The following DOC2B variants were observed in gnomAD, a reference collection of about 807,000 sequenced individuals.
The protein encoded by DOC2B is double C2 domain beta, also known as double C2-like domain-containing protein beta.
A neutral mutation model predicts 28.9 loss-of-function variants in DOC2B; 21 were observed. That is an observed-to-expected ratio of 0.73 (90% CI 0.52 to 1.05). The LOEUF is 1.05. Among genes scored for constraint, DOC2B ranks in the 50% least tolerant of loss-of-function variants. The pLI, the probability that DOC2B is intolerant of heterozygous loss-of-function variation, is 0.00. For synonymous variants in DOC2B, 194 were observed against 178.1 expected (o/e 1.09, Z -0.71); for missense variants, 384 against 421.1 (o/e 0.91, Z 0.77).
chr17:147,104 C>A lies in DOC2B; in HGVS notation c.*337G>T. 4.3e-6 allele frequency: 1 copy of A among 234,960 alleles called. No homozygotes were observed. Among genetic ancestry groups the A allele is most frequent in the African/African-American group, 2.2e-5 (1 of 44,632 alleles). The allele number at this position is 234,960 out of a possible 1,614,324, so 14.6% of individuals were successfully genotyped here. A position where few individuals can be genotyped will look rare whatever the true frequency, so the allele number is the denominator to read the frequency against. On this transcript the variant is annotated 3_prime_UTR_variant, in exon 9 of 9. Transcript: ENST00000613549. ...CACTGTCCGCCAAGGCGCCCCCACA[C>A]TCCTGTCCTCTCAGCCGGGGCTGGC...
intron 1 of DOC2B, among the ~76,000 whole-genome samples, chr17:177,235 C>T (rs1281810786): frequency 1.3e-5 from 2 of 152,170 alleles, no homozygotes; most frequent in African/African-American, 2.4e-5. Flanking sequence ...AGCTTAGAGA[C>T]GAGTGTTAAG....
At chr17:163,427 A>C (rs540847438) in intron 3 of DOC2B, 1 of 152,222 alleles carries the variant, frequency 6.6e-6, no homozygotes, top group Non-Finnish European at 1.5e-5. Flanking sequence ...CTACCCATTT[A>C]GGCCTCCACG....
chr17:176,423 G>A (rs1029085025), intron 1 of DOC2B, among the ~76,000 whole-genome samples: 1 of 151,980 alleles, frequency 6.6e-6, no homozygotes, highest in Non-Finnish European at 1.5e-5. Context: ...GTCTCACTAC[G>A]TTGCTCAGGC....
intron 1 of DOC2B, among the ~76,000 whole-genome samples, chr17:177,849 G>A (rs184210240): frequency 3.9e-5 from 6 of 152,392 alleles, no homozygotes; most frequent in South Asian, 4.1e-4. Context: ...CCCCTAACAC[G>A]GAGAACCTTT....
intron 6 of DOC2B, among the ~76,000 whole-genome samples, chr17:154,594 T>C (rs548060828): frequency 3.3e-5 from 5 of 152,236 alleles, no homozygotes; most frequent in Admixed American, 2.0e-4. Context: ...AGTTTTAGGA[T>C]GGACATGTTT....
chr17:162,189 G>C lies in DOC2B; in HGVS notation c.530C>G (p.Ala177Gly). 2.6e-6 allele frequency: 4 copies of C among 1,549,566 alleles called. No individual in the cohort carries two copies. The Admixed American group carries it at 5.9e-5, about 23-fold the overall frequency. The change falls in exon 4 of 9, where the codon GCA becomes GGA. Residue 177 changes from alanine (A) to glycine (G), a missense_variant and splice_region_variant. Transcript: ENST00000613549. ...KLHLLPGASK[A>G]NKLRTKTLRN... ...GAGAGTTTTTGTTCTGAGCTTATTT[G>C]CCTGGAGAAGAGAAAAATGATCTTA...
chr17:174,259 C>A (rs1017976397), intron 1 of DOC2B, among the ~76,000 whole-genome samples: 7 of 152,328 alleles, frequency 4.6e-5, no homozygotes, highest in African/African-American at 1.4e-4. Flanking sequence ...CAAATCCCAG[C>A]GTGCACTTCC....
At chr17:179,669 G>C (rs1432928235) in intron 1 of DOC2B, among the ~76,000 whole-genome samples, 1 of 82,350 alleles carries the variant, frequency 1.2e-5, no homozygotes, top group Non-Finnish European at 2.6e-5. Flanking sequence ...AGGGGCAGAG[G>C]GGAGGGGGGG....
intron 5 of DOC2B, among the ~76,000 whole-genome samples, chr17:161,097 T>A (rs1224647557): frequency 1.3e-5 from 2 of 152,118 alleles, no homozygotes; most frequent in African/African-American, 2.4e-5. Context: ...AGGCCAGGGT[T>A]GTGCCCATCT....
rs1313461719 is a variant in DOC2B at position 147,015 on chromosome 17, C to T, written c.*426G>A. On this transcript the variant is annotated 3_prime_UTR_variant, in exon 9 of 9. Coordinates refer to ENST00000613549, the MANE Select transcript of DOC2B (RefSeq NM_003585.5). ...GCAGTTAGGCTTTCTTGGGCTGGAG[C>T]AGCCAGTCTTCAAGGTCCCATCCTC... The T allele has an allele frequency of 1.2e-5, 2 of 165,462 alleles. No homozygotes were observed. The highest frequency in any genetic ancestry group is 4.0e-4 in the South Asian group (2 of 4,942). The allele number at this position is 165,462 out of a possible 1,614,324, so 10.2% of individuals were successfully genotyped here.
intron 2 of DOC2B, 61 bp downstream of exon 2, chr17:172,476 G>T: frequency 7.0e-7 from 1 of 1,432,458 alleles, no homozygotes; most frequent in South Asian, 1.3e-5. Flanking sequence ...TGGCCTCCCT[G>T]ACCTAGGCCC....
At chr17:180,605 G>A (rs1278997907) in intron 1 of DOC2B, among the ~76,000 whole-genome samples, 1 of 152,066 alleles carries the variant, frequency 6.6e-6, no homozygotes, top group African/African-American at 2.4e-5. Flanking sequence ...CCGGGACCAC[G>A]CGGGAGGCCG....
intron 3 of DOC2B, among the ~76,000 whole-genome samples, chr17:162,776 C>T (rs994352368): frequency 2.6e-5 from 4 of 152,224 alleles, no homozygotes; most frequent in Admixed American, 6.5e-5. Context: ...GGGGTAGGTT[C>T]TGCAGGAGGC....
chr17:163,821 C>A, intron 3 of DOC2B: 1 of 356,336 alleles, frequency 2.8e-6, no homozygotes, highest in Non-Finnish European at 5.2e-6. Flanking sequence ...TAGTAACTTC[C>A]AGCTGAGAAT....
intron 1 of DOC2B, among the ~76,000 whole-genome samples, chr17:173,674 G>A (rs983933257): frequency 6.6e-6 from 1 of 152,198 alleles, no homozygotes; most frequent in African/African-American, 2.4e-5. Flanking sequence ...CACCAGGGAA[G>A]GCTTCCTGGA....
chr17:163,851 C>T (rs2040231361), intron 3 of DOC2B: 2 of 406,430 alleles, frequency 4.9e-6, no homozygotes, highest in Non-Finnish European at 4.4e-6. Flanking sequence ...AAAATGCTGG[C>T]CTGGAAATTC....
Position 144,141 on chromosome 17 carries a change from G to A in DOC2B, c.*3300C>T, listed in dbSNP as rs2040003505. The A allele has an allele frequency of 7.1e-6, 1 of 141,514 alleles. No homozygotes were observed. Among genetic ancestry groups the A allele is most frequent in the African/African-American group, 2.6e-5 (1 of 38,328 alleles). The allele number at this position is 141,514 out of a possible 1,614,324, so 8.8% of individuals were successfully genotyped here. On this transcript the variant is annotated 3_prime_UTR_variant, in exon 9 of 9. Coordinates refer to ENST00000613549, the MANE Select transcript of DOC2B (RefSeq NM_003585.5). ...AGGCAGCGCCTGGTTACTGACACCT[G>A]GAATGACTTTTTTTTTTTGGCATCA...
chr17:175,725 C>T (rs759650808), intron 1 of DOC2B, among the ~76,000 whole-genome samples: 4 of 152,220 alleles, frequency 2.6e-5, no homozygotes, highest in Non-Finnish European at 5.9e-5. Flanking sequence ...CTGCCTGTTT[C>T]CCAACCCCAG....
chr17:157,225 C>T (rs2040146290), intron 5 of DOC2B, among the ~76,000 whole-genome samples: 1 of 152,252 alleles, frequency 6.6e-6, no homozygotes, highest in Non-Finnish European at 1.5e-5. Context: ...GTCCCACCTC[C>T]ACACCTTTGC....
Sources: allele counts gnomAD v4.1 joint callset (sites outside exome capture counted in the v4.1 genomes callset), GRCh38; gene constraint gnomAD v4.1.1; transcripts MANE v1.5; gene names NCBI Gene and HGNC (gene_info 2026-07-23, HGNC 2026-07-21).